The following HELZ variants were observed in gnomAD, a reference collection of about 807,000 sequenced individuals.
HELZ encodes ATP-dependent RNA helicase with zinc finger domain.
In HELZ, 23 loss-of-function variants were observed where a neutral mutation model predicts 218.2. That is an observed-to-expected ratio of 0.11 (90% CI 0.08 to 0.15). The LOEUF is 0.15. HELZ is among the 10% of genes least tolerant of loss of function. The probability of loss-of-function intolerance (pLI) is 1.00; values close to 1 mark genes in which losing one functional copy is unlikely to be tolerated. For missense variants in HELZ, 1,813 were observed against 2,353.7 expected (o/e 0.77, Z 4.75); for synonymous variants, 814 against 829.4 (o/e 0.98, Z 0.32).
In HELZ at chr17:67,222,958, C is replaced by T. The variant is rs567752965; in HGVS notation, c.-18-4136G>A. ...AGCCAGATCCAAGGGCAGATACTGA[C>T]TAAGTGAGGCCGGGCACGGTGGCTC... On this transcript the variant is annotated intron_variant, in intron 3 of 32. Coordinates refer to ENST00000358691, the MANE Select transcript of HELZ (RefSeq NM_014877.4). Among the ~76,000 whole-genome samples, 273 of 152,110 alleles carry T rather than the reference C, an allele frequency of 1.8e-3. 1 individual carries two copies. The highest frequency in any genetic ancestry group is 3.4e-3 in the Middle Eastern group (1 of 292).
At chr17:67,163,460 G>A (rs1015312909) in intron 15 of HELZ, among the ~76,000 whole-genome samples, 21 of 151,832 alleles carry the variant, frequency 1.4e-4, no homozygotes, top group African/African-American at 4.3e-4. Context: ...GTGCAGTGGC[G>A]CGATCTCGGT....
At chr17:67,244,658 A>G in intron 1 of HELZ, 1 of 973,640 alleles carries the variant, frequency 1.0e-6, no homozygotes, top group Non-Finnish European at 1.2e-6. Context: ...CGCCTGACCC[A>G]CTTTTCCCCA....
chr17:67,195,448 G>T lies in HELZ; in HGVS notation c.452C>A (p.Ser151Tyr). ...ETETATSNAL[S>Y]GYHVEDLDEG... ...ATCTAAGTCTTCCACGTGATATCCAGAGAGGGCGTTACTAGTTGCTGTCTG... is the reference window on the plus strand; with the variant it reads ...ATCTAAGTCTTCCACGTGATATCCATAGAGGGCGTTACTAGTTGCTGTCTG... Residue 151 changes from serine (S) to tyrosine (Y), a missense_variant, in exon 8 of 33, where the codon TCT (serine) becomes TAT (tyrosine). Physicochemically the swap from Ser to Tyr is moderately radical, Grantham distance 144. Around this residue, in one of 4 missense-constraint regions of HELZ, gnomAD observed 714 missense variants for 1,029.2 expected, o/e 0.69. Transcript: ENST00000358691. 6.2e-7 allele frequency: 1 copy of T among 1,606,760 alleles called. No homozygotes were observed. Among genetic ancestry groups the T allele is most frequent in the Non-Finnish European group, 8.5e-7 (1 of 1,173,466 alleles).
At chr17:67,245,425 TCCTGCCCCGGCCTC>T (rs1281413755), upstream of HELZ, 30 of 934,892 alleles carry the variant, frequency 3.2e-5, no homozygotes, top group East Asian at 1.2e-4. Context: ...TCTCCCTTTC[TCCTGCCCCGGCCTC>T]CCTGCCCCCA....
chr17:67,098,909 G>T (rs1036938667), intron 31 of HELZ, among the ~76,000 whole-genome samples: 1 of 152,168 alleles, frequency 6.6e-6, no homozygotes, highest in Admixed American at 6.5e-5. Context: ...CAATGAAATG[G>T]ATTCTGGGCA....
intron 3 of HELZ, chr17:67,224,819 C>A (rs1318522315): frequency 1.9e-6 from 2 of 1,073,272 alleles, no homozygotes; most frequent in Non-Finnish European, 2.8e-6. Flanking sequence ...GGCAAGGATT[C>A]TCTGTATGCC....
At chr17:67,130,122 T>C (rs1201552209) in intron 23 of HELZ, among the ~76,000 whole-genome samples, 1 of 152,158 alleles carries the variant, frequency 6.6e-6, no homozygotes, top group Non-Finnish European at 1.5e-5. Context: ...ATATCCATCT[T>C]TCCTAGTTTT....
intron 25 of HELZ, among the ~76,000 whole-genome samples, chr17:67,123,703 C>T (rs543515781): frequency 6.6e-6 from 1 of 151,874 alleles, no homozygotes; most frequent in East Asian, 1.9e-4. Context: ...TCCTCAAAAC[C>T]TCTGGATATG....
intron 12 of HELZ, among the ~76,000 whole-genome samples, chr17:67,179,421 C>T (rs1021541970): frequency 6.6e-6 from 1 of 152,174 alleles, no homozygotes; most frequent in Admixed American, 6.5e-5. Flanking sequence ...AGTCAACTTA[C>T]TATAAACAAA....
intron 1 of HELZ, among the ~76,000 whole-genome samples, chr17:67,244,199 C>A (rs778946036): frequency 6.6e-6 from 1 of 152,322 alleles, no homozygotes; most frequent in Non-Finnish European, 1.5e-5. Context: ...ACAGACAACT[C>A]CTCCCTCCTT....
chr17:67,178,310 T>C (rs1035058769), intron 13 of HELZ, among the ~76,000 whole-genome samples: 1 of 152,202 alleles, frequency 6.6e-6, no homozygotes, highest in African/African-American at 2.4e-5. Flanking sequence ...TGTATATCTG[T>C]TCAACAAATA....
chr17:67,150,235 TC>T (rs1322455587), intron 18 of HELZ: 1 of 270,082 alleles, frequency 3.7e-6, no homozygotes, highest in East Asian at 9.1e-5. Flanking sequence ...GCTCAGGTGA[TC>T]CTCCAACCTC....
intron 26 of HELZ, among the ~76,000 whole-genome samples, chr17:67,122,233 T>C (rs919842506): frequency 6.6e-6 from 1 of 151,922 alleles, no homozygotes; most frequent in Non-Finnish European, 1.5e-5. Flanking sequence ...GGAAACCCTG[T>C]CTCTACCAAT....
chr17:67,192,358 G>C (rs910938948), intron 9 of HELZ, among the ~76,000 whole-genome samples: 1 of 151,996 alleles, frequency 6.6e-6, no homozygotes, highest in Non-Finnish European at 1.5e-5. Flanking sequence ...TTTTCAAATG[G>C]TTCACCGTAT....
intron 31 of HELZ, among the ~76,000 whole-genome samples, chr17:67,097,667 T>A (rs961110726): frequency 1.3e-5 from 2 of 152,226 alleles, no homozygotes; most frequent in Non-Finnish European, 2.9e-5. Flanking sequence ...TGGAGCTACC[T>A]TGAATCTATC....
chr17:67,080,443 T>C lies in HELZ; in HGVS notation c.5495-1857A>G, dbSNP rs191376256. On this transcript the variant is annotated intron_variant, in intron 32 of 32. Coordinates refer to ENST00000358691, the MANE Select transcript of HELZ (RefSeq NM_014877.4). Reference sequence around the variant, plus strand: ...CTCTTTTCAGATAAATTCTGGATATTCTCACAGACCTTCTATTTAATTAAA... The same window carrying C: ...CTCTTTTCAGATAAATTCTGGATATCCTCACAGACCTTCTATTTAATTAAA... 1.6e-4 allele frequency among the ~76,000 whole-genome samples: 25 copies of C among 152,346 alleles called. No individual in the cohort carries two copies. The East Asian group carries it at 4.8e-3, about 29-fold the overall frequency.
At chr17:67,091,258 A>T (rs1293825635) in intron 31 of HELZ, among the ~76,000 whole-genome samples, 1 of 152,090 alleles carries the variant, frequency 6.6e-6, no homozygotes, top group Non-Finnish European at 1.5e-5. Context: ...AATAATATTC[A>T]AAGTGAAAAA....
intron 23 of HELZ, among the ~76,000 whole-genome samples, chr17:67,131,426 T>G (rs1168170492): frequency 6.6e-6 from 1 of 152,194 alleles, no homozygotes; most frequent in Non-Finnish European, 1.5e-5. Flanking sequence ...CAGAAGATTC[T>G]AGAGATTTCA....
At chr17:67,206,413 C>CA (rs2040298245) in intron 5 of HELZ, among the ~76,000 whole-genome samples, 1 of 152,160 alleles carries the variant, frequency 6.6e-6, no homozygotes. Flanking sequence ...ACTGTTTTAG[C>CA]AAAATACATC....
Sources: gnomAD v4.1 joint callset for allele counts (sites outside exome capture counted in the v4.1 genomes callset) on GRCh38, gnomAD v4.1.1 for gene constraint, gnomAD v4.1.1 regional missense constraint, MANE v1.5 for transcripts, NCBI Gene and HGNC (gene_info 2026-07-23, HGNC 2026-07-21) for gene names.